The following CCDC150 variants were observed in gnomAD, a reference collection of about 807,000 sequenced individuals.
CCDC150 encodes coiled-coil domain containing 150.
Under a neutral mutation model 156.5 loss-of-function variants are expected in CCDC150, and 151 were observed. That is an observed-to-expected ratio of 0.97 (90% CI 0.85 to 1.10). The LOEUF is 1.10. Ranked by LOEUF, CCDC150 falls within the 50% of genes least tolerant of loss-of-function variation. The pLI, the probability that CCDC150 is intolerant of heterozygous loss-of-function variation, is 0.00. For synonymous variants in CCDC150, 452 were observed against 429.4 expected, an observed-to-expected ratio of 1.05 and a Z score of -0.65; for missense variants, 1,312 against 1,268.1, an observed-to-expected ratio of 1.03 and a Z score of -0.53.
intron 15 of CCDC150, among the ~76,000 whole-genome samples, chr2:196,710,128 C>T (rs1439805896): frequency 1.3e-5 from 2 of 152,260 alleles, no homozygotes; most frequent in East Asian, 1.9e-4. Flanking sequence ...GTGGAGTCTA[C>T]AGAAGCAGGA....
At chr2:196,666,548 T>A (rs1022178537) in intron 6 of CCDC150, among the ~76,000 whole-genome samples, 171 bp from the exon 7 acceptor site, 4 of 152,208 alleles carry the variant, frequency 2.6e-5, no homozygotes, top group African/African-American at 7.2e-5. Context: ...TTCTATTGGA[T>A]GGCACTGCTC....
At chr2:196,641,682 C>T (rs1254982190) in intron 1 of CCDC150, among the ~76,000 whole-genome samples, 1 of 152,116 alleles carries the variant, frequency 6.6e-6, no homozygotes, top group Non-Finnish European at 1.5e-5. Context: ...AACCCCTGCC[C>T]CCCGCCTCAT....
At chr2:196,718,417 C>A in intron 17 of CCDC150, 86 bp from the exon 18 acceptor site, 1 of 1,046,092 alleles carries the variant, frequency 9.6e-7, no homozygotes. Flanking sequence ...TATATTTAAA[C>A]ATTTAAAATT....
Position 196,712,733 on chromosome 2 carries a change from G to A in CCDC150, c.1860G>A (p.Leu620=), listed in dbSNP as rs766419766. Residue 620 remains leucine (L), a synonymous_variant, in exon 17 of 28, where the codon CTG becomes CTA. Transcript: ENST00000389175. ...RVHLQQADAH[L]KEVKSILERS... ...ACCTGCAGCAGGCAGATGCTCACCT[G>A]AAAGAAGTATTGGTAATGAAAGTGC... The A allele has an allele frequency of 6.2e-7, 1 of 1,609,548 alleles. No homozygotes were observed. Among genetic ancestry groups the A allele is most frequent in the Non-Finnish European group, 8.5e-7 (1 of 1,177,570 alleles).
chr2:196,677,289 G>A lies in CCDC150; in HGVS notation c.1441-4G>A, dbSNP rs114257893. ...TCCTTTTTTTTCCCATCCTCCTTGG[G>A]CAGGTTAATAAAACAGAAAAAGAAA... On this transcript the variant is annotated splice_region_variant and splice_polypyrimidine_tract_variant and intron_variant, in intron 12 of 27. Coordinates refer to ENST00000389175, the MANE Select transcript of CCDC150 (RefSeq NM_001080539.2). 2.6e-6 allele frequency: 4 copies of A among 1,562,482 alleles called. No individual in the cohort carries two copies. The African/African-American group carries it at 5.4e-5, about 21-fold the overall frequency.
chr2:196,657,750 T>A (rs1300223521), intron 4 of CCDC150, among the ~76,000 whole-genome samples: 2 of 152,198 alleles, frequency 1.3e-5, no homozygotes, highest in Non-Finnish European at 2.9e-5. Context: ...GGATGTTCAA[T>A]GTGTTATTTT....
In CCDC150 at chr2:196,674,250, G is replaced by C. The variant is rs1309578426; in HGVS notation, c.1039G>C (p.Asp347His). 2 of 1,591,802 alleles carry C rather than the reference G, an allele frequency of 1.3e-6. No individual in the cohort carries two copies. The highest frequency in any genetic ancestry group is 2.7e-5 in the African/African-American group (2 of 74,564). The change falls in exon 10 of 28, where the codon GAC (aspartate) becomes CAC (histidine). Residue 347 changes from aspartate to histidine, a missense_variant. Asp to His is a moderately conservative substitution (Grantham distance 81, BLOSUM62 -1). Coordinates refer to ENST00000389175, the MANE Select transcript of CCDC150 (RefSeq NM_001080539.2). ...GTGTGTGTTTTCTTAGGTTTTGAAT[G>C]ACCAATTGACTAAAAAGTGTTCAGA... is the stretch of plus-strand genomic sequence containing the variant. ...EASEKAQVLN[D>H]QLTKKCSELS... is the part of the protein sequence containing the mutation.
chr2:196,720,519 A>G (rs1299052729), intron 19 of CCDC150, 56 bp from the exon 20 acceptor site: 7 of 1,417,830 alleles, frequency 4.9e-6, no homozygotes, highest in Admixed American at 1.8e-5. Flanking sequence ...CCCAAATGGT[A>G]TCATTCCTAC....
chr2:196,688,595 G>T (rs1695254167), intron 13 of CCDC150, among the ~76,000 whole-genome samples: 1 of 152,000 alleles, frequency 6.6e-6, no homozygotes, highest in East Asian at 1.9e-4. Flanking sequence ...GGGGTTGTTT[G>T]TTTTTTTCTT....
At chr2:196,681,584 C>T (rs532724115) in intron 13 of CCDC150, among the ~76,000 whole-genome samples, 7 of 152,278 alleles carry the variant, frequency 4.6e-5, no homozygotes, top group Non-Finnish European at 1.0e-4. Context: ...TTTACATTCT[C>T]ACCAGCGATG....
intron 11 of CCDC150, 73 bp downstream of exon 11, chr2:196,676,340 C>T: frequency 6.4e-7 from 1 of 1,551,624 alleles, no homozygotes. Flanking sequence ...GTGTCCGTCT[C>T]AGTCTTATCG....
At chr2:196,688,030 G>C (rs1407551658) in intron 13 of CCDC150, among the ~76,000 whole-genome samples, 1 of 152,128 alleles carries the variant, frequency 6.6e-6, no homozygotes, top group Non-Finnish European at 1.5e-5. Flanking sequence ...TTGAAGTTGA[G>C]TAGCATGGTA....
intron 8 of CCDC150, 99 bp downstream of exon 8, chr2:196,669,975 C>G (rs113187338): frequency 6.9e-6 from 5 of 722,758 alleles, no homozygotes; most frequent in African/African-American, 1.8e-5. Flanking sequence ...TTACTCTCAT[C>G]AAAGTTTTAT....
At chr2:196,688,984 C>G (rs909564434) in intron 13 of CCDC150, among the ~76,000 whole-genome samples, 3 of 152,110 alleles carry the variant, frequency 2.0e-5, no homozygotes, top group Non-Finnish European at 4.4e-5. Context: ...TTTCCCAGCA[C>G]CATTTATTAA....
At chr2:196,716,749 A>G (rs1553565158) in intron 17 of CCDC150, among the ~76,000 whole-genome samples, 1 of 152,070 alleles carries the variant, frequency 6.6e-6, no homozygotes, top group Non-Finnish European at 1.5e-5. Context: ...AAGTATGTGT[A>G]GCTTATTGTA....
chr2:196,694,367 G>A (rs1021040533), intron 13 of CCDC150, among the ~76,000 whole-genome samples: 2 of 151,950 alleles, frequency 1.3e-5, no homozygotes, highest in Admixed American at 1.3e-4. Context: ...GAAGATTTTT[G>A]CATCTATATT....
intron 1 of CCDC150, among the ~76,000 whole-genome samples, chr2:196,645,636 T>G (rs990346181): frequency 3.3e-5 from 5 of 152,234 alleles, no homozygotes; most frequent in African/African-American, 1.2e-4. Flanking sequence ...CACTAATATC[T>G]TGAAAGTATT....
intron 15 of CCDC150, among the ~76,000 whole-genome samples, chr2:196,710,571 C>T (rs756251550): frequency 5.9e-5 from 9 of 152,162 alleles, no homozygotes; most frequent in African/African-American, 1.4e-4. Context: ...AGAAATCACC[C>T]GTCTTCTGTG....
chr2:196,662,857 G>T (rs949710213), intron 5 of CCDC150, among the ~76,000 whole-genome samples: 1 of 152,086 alleles, frequency 6.6e-6, no homozygotes, highest in Non-Finnish European at 1.5e-5. Flanking sequence ...GATCACTTGA[G>T]CCTGGGAGGT....
Sources: allele counts gnomAD v4.1 joint callset (sites outside exome capture counted in the v4.1 genomes callset), GRCh38; gene constraint gnomAD v4.1.1; transcripts MANE v1.5; gene names NCBI Gene and HGNC (gene_info 2026-07-23, HGNC 2026-07-21).